CRYBG1: variants seen among roughly 807,000 people sequenced by gnomAD.
The protein encoded by CRYBG1 is crystallin beta-gamma domain containing 1.
Under a neutral mutation model 189.2 loss-of-function variants are expected in CRYBG1, and 139 were observed. The ratio of observed to expected loss-of-function variants is 0.73; its 90% CI spans 0.64 to 0.85. The LOEUF (loss-of-function observed/expected upper bound fraction) is 0.85, where lower values mean the gene tolerates loss of function less well. Ranked by LOEUF, CRYBG1 falls within the 40% of genes least tolerant of loss-of-function variation. CRYBG1 has a pLI of 0.00. For missense variants in CRYBG1, 2,611 were observed against 2,675.8 expected, an observed-to-expected ratio of 0.98 and a Z score of 0.53; for synonymous variants, 1,023 against 1,017.1, an observed-to-expected ratio of 1.01 and a Z score of -0.11.
rs146468923 is a variant in CRYBG1, at chr6:106,507,942, C to T, written c.313-3488C>T. Among the ~76,000 whole-genome samples the T allele has an allele frequency of 2.6e-3, 399 of 152,222 alleles. 2 individuals carry two copies. The highest frequency in any genetic ancestry group is 9.3e-3 in the African/African-American group (387 of 41,532). On this transcript the variant is annotated intron_variant, in intron 2 of 21. Coordinates refer to ENST00000633556, the MANE Select transcript of CRYBG1 (RefSeq NM_001371242.2). ...CTATCATTTGAAATGACACGAGATC[C>T]CTCATTAAGAACTGCATAACGTGGC...
At chr6:106,375,582 A>G (rs1280488928) in intron 1 of CRYBG1, among the ~76,000 whole-genome samples, 1 of 152,176 alleles carries the variant, frequency 6.6e-6, no homozygotes, top group Non-Finnish European at 1.5e-5. Flanking sequence ...CAAAGGTACC[A>G]CTTTATCTTC....
At chr6:106,380,401 C>T (rs1770262287) in intron 1 of CRYBG1, among the ~76,000 whole-genome samples, 1 of 152,166 alleles carries the variant, frequency 6.6e-6, no homozygotes, top group South Asian at 2.1e-4. Flanking sequence ...TGAAATCCAG[C>T]TTCTCTGAGG....
intron 1 of CRYBG1, among the ~76,000 whole-genome samples, chr6:106,363,243 CAA>C (rs57040798): frequency 7.1e-4 from 79 of 111,128 alleles, no homozygotes; most frequent in African/African-American, 2.5e-3. Flanking sequence ...AACTCCGTCT[CAA>C]AAAAAAAAAA....
chr6:106,366,097 A>G (rs1421765273), intron 1 of CRYBG1, among the ~76,000 whole-genome samples: 1 of 152,222 alleles, frequency 6.6e-6, no homozygotes, highest in African/African-American at 2.4e-5. Flanking sequence ...ATCATTTAAA[A>G]TGTTATTTGA....
At chr6:106,466,394 A>C (rs1772115677) in intron 2 of CRYBG1, among the ~76,000 whole-genome samples, 3 of 152,218 alleles carry the variant, frequency 2.0e-5, no homozygotes, top group African/African-American at 7.2e-5. Flanking sequence ...CTGCAATTTT[A>C]ATGCTAACAT....
intron 1 of CRYBG1, among the ~76,000 whole-genome samples, chr6:106,396,007 C>T (rs1369086202): frequency 6.6e-6 from 1 of 152,122 alleles, no homozygotes; most frequent in Non-Finnish European, 1.5e-5. Context: ...GGTCTTATTT[C>T]CAGCTCTCTG....
Position 106,519,803 on chromosome 6 carries a change from T to G in CRYBG1, c.2595T>G (p.Pro865=), listed in dbSNP as rs1371109149. The G allele has an allele frequency of 6.2e-7, 1 of 1,614,080 alleles. No individual in the cohort carries two copies. Among genetic ancestry groups the G allele is most frequent in the African/African-American group, 1.3e-5 (1 of 74,930 alleles). Residue 865 remains proline, a synonymous_variant, in exon 4 of 22, where the codon CCT becomes CCG. Transcript: ENST00000633556. The part of the protein sequence containing the change: ...PQHTFSDSQS[P]AESSPGPSLS... ...ATACATTTTCTGACTCACAGTCCCCTGCTGAGTCATCTCCTGGGCCTTCTC... is the reference window on the plus strand; with the variant it reads ...ATACATTTTCTGACTCACAGTCCCCGGCTGAGTCATCTCCTGGGCCTTCTC...
At chr6:106,534,077 T>A (rs1302505742) in intron 8 of CRYBG1, among the ~76,000 whole-genome samples, 3 of 152,304 alleles carry the variant, frequency 2.0e-5, no homozygotes, top group African/African-American at 7.2e-5. Context: ...CACTTTTTTT[T>A]AAAGAATTGG....
chr6:106,528,673 T>C (rs1468622173), intron 7 of CRYBG1, among the ~76,000 whole-genome samples: 4 of 152,154 alleles, frequency 2.6e-5, no homozygotes, highest in Non-Finnish European at 5.9e-5. Flanking sequence ...TTTGGGTGCA[T>C]TCAGGAAGAT....
Position 106,568,718 on chromosome 6 carries a change from G to A in CRYBG1, c.*152G>A. 1.8e-6 allele frequency: 1 copy of A among 560,056 alleles called. No individual in the cohort carries two copies. The highest frequency in any genetic ancestry group is 3.2e-6 in the Non-Finnish European group (1 of 313,854). 34.7% of individuals were successfully genotyped at this position (560,056 alleles called of 1,614,324 possible). On this transcript the variant is annotated 3_prime_UTR_variant, in exon 22 of 22. Coordinates refer to ENST00000633556, the MANE Select transcript of CRYBG1 (RefSeq NM_001371242.2). Reference sequence around the variant, plus strand: ...TTAAATCATGCTGCCATGACTCAGAGAACTTACTCATCGTTTCAAAAGACT... The same window carrying A: ...TTAAATCATGCTGCCATGACTCAGAAAACTTACTCATCGTTTCAAAAGACT...
At position 106,563,835 on chromosome 6, in the gene CRYBG1, G is replaced by C. The variant is rs755125770; in HGVS notation, c.6210G>C (p.Leu2070=). Residue 2070 remains leucine, a synonymous_variant, in exon 21 of 22, where the codon CTG becomes CTC. Transcript: ENST00000633556. ...CTGGCTCCAAGCTAGGCCTGGCCCT[G>C]GACCAGAATGCTGACAGCCAGTTCT... The part of the protein sequence containing the change: ...VTSGSKLGLA[L]DQNADSQFWS... 3.1e-6 allele frequency: 5 copies of C among 1,613,884 alleles called. No individual in the cohort carries two copies. In the South Asian group the frequency reaches 5.5e-5, roughly 18 times the overall value.
chr6:106,401,783 C>A (rs1461566543), intron 1 of CRYBG1, among the ~76,000 whole-genome samples: 1 of 130,548 alleles, frequency 7.7e-6, no homozygotes, highest in Admixed American at 8.1e-5. Flanking sequence ...ATATGTGCCA[C>A]ATTTTCTTAA....
At position 106,512,910 on chromosome 6, in the gene CRYBG1, G is replaced by C. The variant is rs879376875; in HGVS notation, c.1793G>C (p.Arg598Pro). Residue 598 changes from arginine to proline, a missense_variant, in exon 3 of 22, where the codon CGG (arginine) becomes CCG (proline). Around this residue, in one of 3 missense-constraint regions of CRYBG1, gnomAD observed 985 missense variants for 924.4 expected, o/e 1.07. Transcript: ENST00000633556. The part of the protein sequence containing the change: ...RGPLPNHFNG[R>P]AEGGRSRELG... The stretch of plus-strand genomic sequence containing the variant: ...CCGCTCCCCAACCACTTCAACGGCC[G>C]GGCAGAGGGAGGTCGAAGCAGAGAG... 1 of 1,605,720 alleles carries C rather than the reference G, an allele frequency of 6.2e-7. No individual in the cohort carries two copies. The highest frequency in any genetic ancestry group is 1.1e-5 in the South Asian group (1 of 89,768).
chr6:106,512,764 C>T lies in CRYBG1; in HGVS notation c.1647C>T (p.Ser549=), dbSNP rs1471612489. 6.3e-7 allele frequency: 1 copy of T among 1,578,582 alleles called. No individual in the cohort carries two copies. Among genetic ancestry groups the T allele is most frequent in the East Asian group, 2.3e-5 (1 of 43,292 alleles). The change falls in exon 3 of 22, where the codon AGC becomes AGT. Residue 549 remains serine, a synonymous_variant. Transcript: ENST00000633556. ...CACCCAAGAGGGTGCCCGATCCCAG[C>T]CCAGTCACCAAGGGCACTGCGGCCG... ...ESPPKRVPDP[S]PVTKGTAAES...
intron 18 of CRYBG1, 32 bp from the exon 19 acceptor site, chr6:106,560,771 T>C: frequency 6.3e-7 from 1 of 1,586,378 alleles, no homozygotes; most frequent in Non-Finnish European, 8.6e-7. Context: ...CAAATGAAAA[T>C]TGCCACTTAC....
At chr6:106,553,956 A>G (rs1774470656) in intron 16 of CRYBG1, among the ~76,000 whole-genome samples, 1 of 152,178 alleles carries the variant, frequency 6.6e-6, no homozygotes, top group Non-Finnish European at 1.5e-5. Flanking sequence ...TGGACACGCG[A>G]ATCAGGGAGC....
At chr6:106,468,877 C>T (rs897604291) in intron 2 of CRYBG1, among the ~76,000 whole-genome samples, 13 of 152,232 alleles carry the variant, frequency 8.5e-5, no homozygotes, top group African/African-American at 2.6e-4. Context: ...GTCTTCTTGC[C>T]CCCTTCTTTT....
At chr6:106,485,242 AT>A (rs1772573478) in intron 2 of CRYBG1, among the ~76,000 whole-genome samples, 1 of 152,082 alleles carries the variant, frequency 6.6e-6, no homozygotes, top group African/African-American at 2.4e-5. Flanking sequence ...AGATATCTTA[AT>A]TTTTTGTAGC....
chr6:106,489,735 G>GGAGAATCGC, intron 2 of CRYBG1, among the ~76,000 whole-genome samples: 1 of 143,252 alleles, frequency 7.0e-6, no homozygotes, highest in African/African-American at 2.6e-5. Flanking sequence ...TGTTGATGCA[G>GGAGAATCGC]TGAAACAAGA....
Sources: gnomAD v4.1 joint callset for allele counts (sites outside exome capture counted in the v4.1 genomes callset) on GRCh38, gnomAD v4.1.1 for gene constraint, gnomAD v4.1.1 regional missense constraint, MANE v1.5 for transcripts, NCBI Gene and HGNC (gene_info 2026-07-23, HGNC 2026-07-21) for gene names.